The following FAF1 variants were observed in gnomAD, a reference collection of about 807,000 sequenced individuals.
The protein encoded by FAF1 is Fas associated factor 1.
In FAF1, 25 loss-of-function variants were observed where a neutral mutation model predicts 92.5. That is an observed-to-expected ratio of 0.27 (90% confidence interval 0.20 to 0.38). FAF1 has a LOEUF of 0.38. Ranked by LOEUF, FAF1 falls within the 10% of genes least tolerant of loss-of-function variation. The probability of loss-of-function intolerance (pLI) is 1.00; values close to 1 mark genes in which losing one functional copy is unlikely to be tolerated. For synonymous variants in FAF1, 234 were observed against 273.2 expected (o/e 0.86, Z 1.42); for missense variants, 636 against 793.3 (o/e 0.80, Z 2.38).
At chr1:50,927,424 G>T (rs895710433) in intron 1 of FAF1, among the ~76,000 whole-genome samples, 2 of 151,902 alleles carry the variant, frequency 1.3e-5, no homozygotes, top group African/African-American at 4.8e-5. Flanking sequence ...CTACTAAAAT[G>T]ACAAAAAATG....
rs1414319995 is a variant in FAF1 at position 50,758,205 on chromosome 1, A to C, written c.368-13430T>G. 2.6e-5 allele frequency among the ~76,000 whole-genome samples: 4 copies of C among 152,136 alleles called. No homozygotes were observed. The East Asian group carries it at 7.7e-4, about 29-fold the overall frequency. ...AGTGCTGGGATTAGAAGAGTGAGCC[A>C]CCATGTCTGGCCTAACTTTTGTATT... On this transcript the variant is annotated intron_variant, in intron 4 of 18. Coordinates refer to ENST00000396153, the MANE Select transcript of FAF1 (RefSeq NM_007051.3).
chr1:50,637,513 A>G (rs1350330593), intron 8 of FAF1, among the ~76,000 whole-genome samples: 1 of 151,766 alleles, frequency 6.6e-6, no homozygotes, highest in African/African-American at 2.4e-5. Flanking sequence ...GCTCTTTCAC[A>G]TTTCCATACA....
At chr1:50,751,171 C>T (rs1371907511) in intron 4 of FAF1, among the ~76,000 whole-genome samples, 1 of 149,406 alleles carries the variant, frequency 6.7e-6, no homozygotes, top group Non-Finnish European at 1.5e-5. Context: ...AAGAGCTAAA[C>T]TTAGAGCAAA....
intron 15 of FAF1, among the ~76,000 whole-genome samples, chr1:50,502,425 T>A (rs10788928): frequency 0.5 from 75,576 of 152,042 alleles, 20,388 homozygotes; most frequent in African/African-American, 0.68. Flanking sequence ...TAGCAAAAAT[T>A]ATGATGGTCA....
intron 8 of FAF1, among the ~76,000 whole-genome samples, chr1:50,604,580 C>T (rs536677650): frequency 6.6e-6 from 1 of 152,064 alleles, no homozygotes; most frequent in African/African-American, 2.4e-5. Flanking sequence ...CAATCACGGC[C>T]GACTGCCACC....
intron 2 of FAF1, among the ~76,000 whole-genome samples, chr1:50,825,966 T>C (rs1052736820): frequency 6.6e-6 from 1 of 152,154 alleles, no homozygotes; most frequent in African/African-American, 2.4e-5. Context: ...TTTAAATTAA[T>C]GTTTAATAAT....
chr1:50,509,738 G>A lies in FAF1; in HGVS notation c.1495-17937C>T, dbSNP rs1020925947. 5.9e-5 allele frequency among the ~76,000 whole-genome samples: 9 copies of A among 152,096 alleles called. No homozygotes were observed. The South Asian group carries it at 6.2e-4, about 11-fold the overall frequency. ...CAGTCCTCCTTTCATCTTGGTGGCCGAACAGTACAGGGAAAAGGTCATGGG... is the reference window on the plus strand; with the variant it reads ...CAGTCCTCCTTTCATCTTGGTGGCCAAACAGTACAGGGAAAAGGTCATGGG... On this transcript the variant is annotated intron_variant, in intron 15 of 18. Transcript: ENST00000396153.
intron 15 of FAF1, among the ~76,000 whole-genome samples, chr1:50,526,579 C>CAA (rs1162338045): frequency 6.6e-6 from 1 of 151,956 alleles, no homozygotes; most frequent in Non-Finnish European, 1.5e-5. Context: ...GCTAGGATTA[C>CAA]AGGCATGAGC....
At chr1:50,613,273 G>A (rs1652760358) in intron 8 of FAF1, among the ~76,000 whole-genome samples, 1 of 152,112 alleles carries the variant, frequency 6.6e-6, no homozygotes, top group Non-Finnish European at 1.5e-5. Context: ...AGGTTCAAAA[G>A]CATTCTGACA....
At chr1:50,612,381 G>A (rs542270646) in intron 8 of FAF1, 38 of 1,215,940 alleles carry the variant, frequency 3.1e-5, no homozygotes, top group East Asian at 6.4e-5. Flanking sequence ...AAGAGGTTCC[G>A]TTAGTGGAGA....
At chr1:50,815,266 G>A (rs1643956082) in intron 2 of FAF1, among the ~76,000 whole-genome samples, 1 of 151,924 alleles carries the variant, frequency 6.6e-6, no homozygotes, top group African/African-American at 2.4e-5. Flanking sequence ...CGTGTCTATT[G>A]TTGCCATCTT....
intron 15 of FAF1, among the ~76,000 whole-genome samples, chr1:50,493,980 T>C (rs1215685633): frequency 6.6e-6 from 1 of 152,240 alleles, no homozygotes; most frequent in East Asian, 1.9e-4. Context: ...GTAGGAGATA[T>C]GAAAGGCCAT....
chr1:50,545,141 T>C (rs907919822), intron 13 of FAF1, among the ~76,000 whole-genome samples: 1 of 152,126 alleles, frequency 6.6e-6, no homozygotes, highest in Non-Finnish European at 1.5e-5. Flanking sequence ...TCATTATATA[T>C]AGAATTCTTA....
chr1:50,485,482 G>A lies in FAF1; in HGVS notation c.1653+5106C>T, dbSNP rs529278928. On this transcript the variant is annotated intron_variant, in intron 17 of 18. Transcript: ENST00000396153. ...TCAAGACCATCCTGGCTAACACGGT[G>A]AAACCCCGTCTCTACTAAAAATATA... is the stretch of plus-strand genomic sequence containing the variant. Among the ~76,000 whole-genome samples, 185 of 151,610 alleles carry A rather than the reference G, an allele frequency of 1.2e-3. 3 individuals carry two copies. Among genetic ancestry groups the A allele is most frequent in the African/African-American group, 4.4e-3 (184 of 41,350 alleles).
At chr1:50,921,386 TAAC>T (rs1036037212) in intron 1 of FAF1, among the ~76,000 whole-genome samples, 19 of 152,230 alleles carry the variant, frequency 1.2e-4, no homozygotes, top group Admixed American at 3.3e-4. Context: ...AGGGAATTCT[TAAC>T]AACAAGACCA....
intron 1 of FAF1, among the ~76,000 whole-genome samples, chr1:50,872,095 A>AG (rs1398307820): frequency 6.6e-6 from 1 of 151,940 alleles, no homozygotes; most frequent in African/African-American, 2.4e-5. Context: ...AAAAGAAAAT[A>AG]CATTTCATAA....
At chr1:50,720,046 G>T (rs574210076) in intron 6 of FAF1, among the ~76,000 whole-genome samples, 207 of 151,076 alleles carry the variant, frequency 1.4e-3, no homozygotes, top group African/African-American at 4.8e-3. Flanking sequence ...CTGCCACCTA[G>T]GCTGGAGTGC....
chr1:50,854,627 T>C (rs776175724), intron 2 of FAF1, among the ~76,000 whole-genome samples: 38 of 151,938 alleles, frequency 2.5e-4, no homozygotes, highest in Non-Finnish European at 5.9e-5. Flanking sequence ...ACTTAAAACA[T>C]AGAGTTTGGA....
intron 17 of FAF1, among the ~76,000 whole-genome samples, chr1:50,484,065 A>G (rs924557022): frequency 1.6e-4 from 24 of 152,202 alleles, no homozygotes; most frequent in Admixed American, 6.5e-5. Context: ...CGTATAGACA[A>G]TATAATATAG....
Sources: allele counts gnomAD v4.1 joint callset (sites outside exome capture counted in the v4.1 genomes callset), GRCh38; gene constraint gnomAD v4.1.1; transcripts MANE v1.5; gene names NCBI Gene and HGNC (gene_info 2026-07-23, HGNC 2026-07-21).